NBAS: variants seen among roughly 807,000 people sequenced by gnomAD.
The protein encoded by NBAS is NBAS subunit of NRZ tethering complex.
In NBAS, 219 loss-of-function variants were observed where a neutral mutation model predicts 302.5. That is an observed-to-expected ratio of 0.72 (90% CI 0.65 to 0.81). The LOEUF (loss-of-function observed/expected upper bound fraction) is 0.81. Among genes scored for constraint, NBAS ranks in the 30% least tolerant of loss-of-function variants. The probability of loss-of-function intolerance (pLI) is 0.00; values close to 1 mark genes in which losing one functional copy is unlikely to be tolerated. For missense variants in NBAS, 2,932 were observed against 2,841.6 expected, an observed-to-expected ratio of 1.03 and a Z score of -0.72; for synonymous variants, 1,118 against 1,021.6, an observed-to-expected ratio of 1.09 and a Z score of -1.80.
At chr2:15,464,778 T>C (rs779189898) in intron 19 of NBAS, among the ~76,000 whole-genome samples, 7 of 152,194 alleles carry the variant, frequency 4.6e-5, no homozygotes, top group Non-Finnish European at 8.8e-5. Flanking sequence ...GCAGGAGACC[T>C]TTCCAAACAT....
At chr2:14,787,849 C>T in the NBAS span, among the ~76,000 whole-genome samples, 1 of 152,060 alleles carries the variant, frequency 6.6e-6, no homozygotes, top group South Asian at 2.1e-4. Context: ...TCTGTATTTC[C>T]TGAATCTGAA....
chr2:15,144,046 A>ATATATATATATATATTATCCTATAT, the NBAS span, among the ~76,000 whole-genome samples: 13 of 104,538 alleles, frequency 1.2e-4, 1 homozygote, highest in South Asian at 7.1e-4. Context: ...CCTATATATA[A>ATATATATATATATATTATCCTATAT]AAATATATAT....
At chr2:15,014,799 G>T in the NBAS span, among the ~76,000 whole-genome samples, 11 of 151,866 alleles carry the variant, frequency 7.2e-5, no homozygotes, top group East Asian at 2.1e-3. Context: ...GGTCAGAGCA[G>T]AAATAAATAA....
rs1674426763 is a variant in NBAS, at chr2:15,370,430, C to A, written c.3704-3737G>T. ...GCCTCAGCACTCCAAGTAGCTGGGA[C>A]TACAGGCATGCACCACCAAGCCTGG... On this transcript the variant is annotated intron_variant, in intron 31 of 51. Coordinates refer to ENST00000281513, the MANE Select transcript of NBAS (RefSeq NM_015909.4). 2.0e-5 allele frequency among the ~76,000 whole-genome samples: 3 copies of A among 152,264 alleles called. No individual in the cohort carries two copies. In the South Asian group the frequency reaches 6.2e-4, roughly 32 times the overall value.
At chr2:15,104,184 C>G in the NBAS span, among the ~76,000 whole-genome samples, 7 of 152,200 alleles carry the variant, frequency 4.6e-5, no homozygotes, top group African/African-American at 1.7e-4. Context: ...CACAAGGTCT[C>G]TTGCCTGCTC....
At chr2:15,022,666 A>G in the NBAS span, among the ~76,000 whole-genome samples, 1 of 152,126 alleles carries the variant, frequency 6.6e-6, no homozygotes, top group Non-Finnish European at 1.5e-5. Flanking sequence ...TGTAACTTCC[A>G]AGACATATCT....
chr2:15,209,997 C>G (rs976414505), intron 48 of NBAS, among the ~76,000 whole-genome samples: 6 of 152,066 alleles, frequency 3.9e-5, no homozygotes, highest in Non-Finnish European at 8.8e-5. Context: ...AGACTTAACT[C>G]TAAGACCTCA....
chr2:14,976,944 A>C, the NBAS span, among the ~76,000 whole-genome samples: 2 of 152,164 alleles, frequency 1.3e-5, no homozygotes, highest in African/African-American at 4.8e-5. Flanking sequence ...TAAGAAAATA[A>C]ATTTCTGTTG....
chr2:15,034,667 GCCGGTGGACTACT>G, the NBAS span, among the ~76,000 whole-genome samples: 8 of 152,106 alleles, frequency 5.3e-5, no homozygotes, highest in South Asian at 8.3e-4. Context: ...ACTCTTAAGT[GCCGGTGGACTACT>G]CCCTAGTATT....
At chr2:15,077,676 C>CTTTCTTTTTTTTTCTTTTTT in the NBAS span, among the ~76,000 whole-genome samples, 1 of 146,818 alleles carries the variant, frequency 6.8e-6, no homozygotes, top group Admixed American at 6.8e-5. Flanking sequence ...TCTTTTCTTT[C>CTTTCTTTTTTTTTCTTTTTT]TTTCTTTTTT....
the NBAS span, among the ~76,000 whole-genome samples, chr2:14,951,966 C>T: frequency 1.9e-4 from 29 of 152,308 alleles, no homozygotes; most frequent in Middle Eastern, 6.8e-3. Flanking sequence ...TGGGTGGAAA[C>T]TGTCTTCATT....
At chr2:15,472,783 A>G (rs1680015392) in intron 16 of NBAS, among the ~76,000 whole-genome samples, 1 of 152,170 alleles carries the variant, frequency 6.6e-6, no homozygotes, top group Admixed American at 6.5e-5. Context: ...CCCTTCATGG[A>G]TATGTCCCTT....
the NBAS span, among the ~76,000 whole-genome samples, chr2:14,860,185 A>T: frequency 6.6e-6 from 1 of 151,992 alleles, no homozygotes; most frequent in African/African-American, 2.4e-5. Flanking sequence ...ATCAAAAAGG[A>T]TTAACAAGAA....
At chr2:15,206,784 G>A (rs1666166920) in intron 48 of NBAS, among the ~76,000 whole-genome samples, 1 of 152,234 alleles carries the variant, frequency 6.6e-6, no homozygotes. Context: ...TGGGCCTGCA[G>A]GTGTACAGAA....
chr2:15,394,143 C>T (rs866170920), intron 28 of NBAS, 84 bp downstream of exon 28: 1 of 1,411,316 alleles, frequency 7.1e-7, no homozygotes, highest in South Asian at 1.3e-5. Context: ...AGTTATAACA[C>T]AATGAGGTTG....
At chr2:14,893,766 T>A in the NBAS span, among the ~76,000 whole-genome samples, 3 of 152,206 alleles carry the variant, frequency 2.0e-5, no homozygotes, top group Admixed American at 6.5e-5. Flanking sequence ...TTTGCAGTGT[T>A]AATTGCTACA....
chr2:15,334,545 C>T (rs572933178), intron 35 of NBAS, among the ~76,000 whole-genome samples: 10 of 152,220 alleles, frequency 6.6e-5, no homozygotes, highest in Admixed American at 3.9e-4. Flanking sequence ...GATTTTGACA[C>T]GCTGGCAATA....
chr2:15,469,758 G>A (rs1332551907), intron 16 of NBAS, among the ~76,000 whole-genome samples: 1 of 145,616 alleles, frequency 6.9e-6, no homozygotes, highest in African/African-American at 2.5e-5. Context: ...AACACCGCAT[G>A]TTCTCACTCA....
At chr2:15,236,521 C>A (rs1667599445) in intron 45 of NBAS, among the ~76,000 whole-genome samples, 2 of 107,816 alleles carry the variant, frequency 1.9e-5, no homozygotes, top group South Asian at 3.2e-4. Context: ...GAGTGAGACC[C>A]TGTCTCAAAA....
Sources: gnomAD v4.1 joint callset for allele counts (sites outside exome capture counted in the v4.1 genomes callset) on GRCh38, gnomAD v4.1.1 for gene constraint, MANE v1.5 for transcripts, NCBI Gene and HGNC (gene_info 2026-07-23, HGNC 2026-07-21) for gene names.